The following DCDC2 variants were observed in gnomAD, a reference collection of about 807,000 sequenced individuals.
DCDC2 encodes doublecortin domain containing 2, also known as doublecortin domain-containing protein 2.
Under a neutral mutation model 50.2 loss-of-function variants are expected in DCDC2, and 40 were observed. The observed-to-expected ratio is 0.80, with a 90% CI of 0.62 to 1.04. The LOEUF is 1.04. DCDC2 is among the 50% of genes least tolerant of loss of function. DCDC2 has a pLI of 0.00. For missense variants in DCDC2, 570 were observed against 581.9 expected, an observed-to-expected ratio of 0.98 and a Z score of 0.21; for synonymous variants, 234 against 210.6, an observed-to-expected ratio of 1.11 and a Z score of -0.96.
intron 8 of DCDC2, among the ~76,000 whole-genome samples, chr6:24,191,139 C>T (rs569770636): frequency 6.6e-6 from 1 of 152,152 alleles, no homozygotes; most frequent in Admixed American, 6.6e-5. Flanking sequence ...TTAGTAAATG[C>T]ATTTCATTGA....
intron 2 of DCDC2, among the ~76,000 whole-genome samples, chr6:24,320,410 C>A (rs9467108): frequency 0.015 from 2,226 of 152,294 alleles, 54 homozygotes; most frequent in African/African-American, 0.049. Context: ...TGGCTCACTG[C>A]AACCTCTGCC....
At chr6:24,354,168 C>G (rs1337074407) in intron 1 of DCDC2, among the ~76,000 whole-genome samples, 1 of 152,042 alleles carries the variant, frequency 6.6e-6, no homozygotes, top group Non-Finnish European at 1.5e-5. Context: ...TCTGGAGACC[C>G]CTATTATTCC....
At chr6:24,255,950 T>C (rs1405589936) in intron 7 of DCDC2, among the ~76,000 whole-genome samples, 1 of 152,110 alleles carries the variant, frequency 6.6e-6, no homozygotes, top group Non-Finnish European at 1.5e-5. Context: ...ACATTTATAA[T>C]AGCACTACTC....
chr6:24,204,921 C>A, intron 8 of DCDC2, 81 bp downstream of exon 8: 1 of 1,333,654 alleles, frequency 7.5e-7, no homozygotes, highest in South Asian at 1.4e-5. Flanking sequence ...GGTATAGGAA[C>A]AATTTGTAGG....
chr6:24,295,702 G>A (rs1197156486), intron 4 of DCDC2, among the ~76,000 whole-genome samples: 1 of 151,922 alleles, frequency 6.6e-6, no homozygotes, highest in African/African-American at 2.4e-5. Context: ...CACCATATCA[G>A]GAGCACATTT....
At chr6:24,331,268 G>A (rs1561777701) in intron 2 of DCDC2, among the ~76,000 whole-genome samples, 1 of 151,044 alleles carries the variant, frequency 6.6e-6, no homozygotes, top group Non-Finnish European at 1.5e-5. Flanking sequence ...TTAATTCTTA[G>A]TTTGAAGTTT....
intron 1 of DCDC2, chr6:24,357,211 A>G (rs1168060258): frequency 5.1e-6 from 2 of 393,168 alleles, no homozygotes; most frequent in East Asian, 3.8e-5. Flanking sequence ...TTTCTTTAAG[A>G]TTCCTGTTGT....
intron 2 of DCDC2, among the ~76,000 whole-genome samples, chr6:24,331,578 AT>A (rs1162133650): frequency 6.6e-6 from 1 of 152,160 alleles, no homozygotes; most frequent in East Asian, 1.9e-4. Flanking sequence ...CCTTTATTAT[AT>A]CTAAATAGAT....
At chr6:24,359,470 AATATATATTTTATATATAATATATT>A (rs1214243850), upstream of DCDC2, among the ~76,000 whole-genome samples, 216 of 12,668 alleles carry the variant, frequency 0.017, 2 homozygotes, top group South Asian at 0.12. Flanking sequence ...TATACTATAT[AATATATATTTTATATATAATATATT>A]ATATATATTT....
intron 2 of DCDC2, among the ~76,000 whole-genome samples, chr6:24,320,899 AAAATATAAGAC>A (rs1365119599): frequency 1.3e-5 from 2 of 152,000 alleles, no homozygotes; most frequent in East Asian, 3.9e-4. Flanking sequence ...CAGAGAAAGA[AAAATATAAGAC>A]AAGCCTGGAA....
chr6:24,222,244 T>C (rs922415567), intron 7 of DCDC2, among the ~76,000 whole-genome samples: 2 of 152,146 alleles, frequency 1.3e-5, no homozygotes, highest in Non-Finnish European at 2.9e-5. Context: ...GTGTGATGAG[T>C]TTGAGTCTAG....
intron 2 of DCDC2, among the ~76,000 whole-genome samples, chr6:24,352,896 A>G (rs1760398001): frequency 6.6e-6 from 1 of 152,190 alleles, no homozygotes; most frequent in Admixed American, 6.5e-5. Context: ...TCCCTGTCTC[A>G]GGCTGTGGCC....
At chr6:24,358,899 A>ATTATATATT (rs1561788477), upstream of DCDC2, among the ~76,000 whole-genome samples, 4 of 21,494 alleles carry the variant, frequency 1.9e-4, no homozygotes, top group South Asian at 2.9e-3. Context: ...TTATATATAT[A>ATTATATATT]ATATATTATA....
At chr6:24,203,958 G>A (rs1490206136) in intron 8 of DCDC2, among the ~76,000 whole-genome samples, 1 of 152,206 alleles carries the variant, frequency 6.6e-6, no homozygotes, top group Admixed American at 6.5e-5. Flanking sequence ...ATGCCACTTA[G>A]AATGGCAATC....
At chr6:24,192,658 A>C (rs952990018) in intron 8 of DCDC2, among the ~76,000 whole-genome samples, 2 of 152,160 alleles carry the variant, frequency 1.3e-5, no homozygotes, top group African/African-American at 4.8e-5. Context: ...TAGATGTTAA[A>C]AATAAAATGA....
Position 24,224,506 on chromosome 6 carries a change from G to A in DCDC2, c.923-19404C>T, listed in dbSNP as rs12528421. On this transcript the variant is annotated intron_variant, in intron 7 of 9. Transcript: ENST00000378454. The stretch of plus-strand genomic sequence containing the variant: ...TCTTTAACTGAAGCACTTGGTGAGC[G>A]TGTGTGTGCATGTGGTGTGTACATG... Among the ~76,000 whole-genome samples, 66 of 152,294 alleles carry A rather than the reference G, an allele frequency of 4.3e-4. 1 individual carries two copies. The highest frequency in any genetic ancestry group is 2.9e-3 in the South Asian group (14 of 4,822).
chr6:24,239,793 A>C (rs1363772196), intron 7 of DCDC2, among the ~76,000 whole-genome samples: 1 of 152,228 alleles, frequency 6.6e-6, no homozygotes, highest in East Asian at 1.9e-4. Flanking sequence ...GATAATGCAA[A>C]AAGAATTTTG....
intron 8 of DCDC2, among the ~76,000 whole-genome samples, chr6:24,184,511 C>T (rs1321975736): frequency 1.3e-5 from 2 of 151,730 alleles, no homozygotes; most frequent in Non-Finnish European, 2.9e-5. Context: ...ATGGAGGTTG[C>T]AGTGAGCTGA....
chr6:24,205,060 C>A lies in DCDC2; in HGVS notation c.965G>T (p.Arg322Leu), dbSNP rs77150627. ...ATCTTCTTGGACTTCTGCTGCCCCC[C>A]GTGTTTCAGACCTCTCTGCTCCAGC... Reference protein sequence around the residue: ...FKAGAERSETRGAAEVQEDED... With the variant: ...FKAGAERSETLGAAEVQEDED... The change falls in exon 8 of 10, where the codon CGG (arginine) becomes CTG (leucine). Residue 322 changes from arginine to leucine, a missense_variant. Transcript: ENST00000378454. 1.2e-6 allele frequency: 2 copies of A among 1,614,112 alleles called. No individual in the cohort carries two copies. Among genetic ancestry groups the A allele is most frequent in the Non-Finnish European group, 8.5e-7 (1 of 1,179,996 alleles).
Sources: allele counts gnomAD v4.1 joint callset (sites outside exome capture counted in the v4.1 genomes callset), GRCh38; gene constraint gnomAD v4.1.1; transcripts MANE v1.5; gene names NCBI Gene and HGNC (gene_info 2026-07-23, HGNC 2026-07-21).